Variants in BCAR3 observed in about 807,000 individuals in gnomAD.
BCAR3 encodes the protein BCAR3 adaptor protein, NSP family member.
BCAR3 carries 37 observed loss-of-function variants against 80.1 expected under a neutral mutation model. The ratio of observed to expected loss-of-function variants is 0.46; its 90% confidence interval spans 0.36 to 0.61. BCAR3 has a LOEUF of 0.61. Ranked by LOEUF, BCAR3 falls within the 20% of genes least tolerant of loss-of-function variation. The pLI is 0.00. For synonymous variants in BCAR3, 389 were observed against 418.9 expected, an observed-to-expected ratio of 0.93 and a Z score of 0.87; for missense variants, 978 against 1,068.2, an observed-to-expected ratio of 0.92 and a Z score of 1.18.
In BCAR3 at chr1:93,717,843, G is replaced by A. The variant is rs181301180; in HGVS notation, c.-62-11701C>T. ...GGGGCTGCTCATTGTGGAAAATTGC[G>A]TAAGAGTCTGAGAGTGTGGCCTGCG... On this transcript the variant is annotated intron_variant, in intron 2 of 13. Coordinates refer to the BCAR3 transcript ENST00000370244. 1.8e-3 allele frequency among the ~76,000 whole-genome samples: 271 copies of A among 152,206 alleles called. 1 individual carries two copies. The highest frequency in any genetic ancestry group is 6.2e-3 in the African/African-American group (257 of 41,534).
intron 3 of BCAR3, among the ~76,000 whole-genome samples, chr1:93,704,503 G>T (rs144186040): frequency 6.6e-6 from 1 of 152,342 alleles, no homozygotes; most frequent in East Asian, 1.9e-4. Context: ...TACACAGCTA[G>T]TGAGGGACAG....
intron 2 of BCAR3, among the ~76,000 whole-genome samples, chr1:93,797,643 A>C (rs1215186687): frequency 6.6e-6 from 1 of 152,022 alleles, no homozygotes; most frequent in Non-Finnish European, 1.5e-5. Context: ...AGCTTTCGAT[A>C]ATTTTCTAGC....
intron 2 of BCAR3, among the ~76,000 whole-genome samples, chr1:93,747,966 A>T (rs1178233379): frequency 1.3e-5 from 2 of 151,756 alleles, no homozygotes; most frequent in Non-Finnish European, 2.9e-5. Context: ...TCTGGTCCCA[A>T]CTGAGAACCA....
At chr1:93,615,440 G>A (rs798218) in intron 3 of BCAR3, among the ~76,000 whole-genome samples, 36,251 of 152,152 alleles carry the variant, frequency 0.24, 5,000 homozygotes, top group African/African-American at 0.39. Flanking sequence ...TTGCCACAGC[G>A]AGTGTGGGCG....
At chr1:93,746,097 C>T (rs1373447694) in intron 2 of BCAR3, among the ~76,000 whole-genome samples, 2 of 152,324 alleles carry the variant, frequency 1.3e-5, no homozygotes, top group Middle Eastern at 6.8e-3. Context: ...TCCTTGTGCT[C>T]TACTGGGTAA....
At chr1:93,768,743 G>A (rs1317366931) in intron 2 of BCAR3, among the ~76,000 whole-genome samples, 1 of 152,192 alleles carries the variant, frequency 6.6e-6, no homozygotes, top group Non-Finnish European at 1.5e-5. Flanking sequence ...GGGGCTGGAG[G>A]GGATGCTGGA....
At position 93,811,547 on chromosome 1, in the gene BCAR3, A is replaced by G. The variant is rs12406623; in HGVS notation, c.-63+34020T>C. On this transcript the variant is annotated intron_variant, in intron 2 of 13. Transcript: ENST00000370244. ...TCTTCCCTTTCCTTTATGCTTCTCT[A>G]TTATGTAAAATAATCCTCCTGGCTT... Among the ~76,000 whole-genome samples, 1,117 of 152,244 alleles carry G rather than the reference A, an allele frequency of 7.3e-3. 37 individuals are homozygous for G. Among genetic ancestry groups the G allele is most frequent in the Admixed American group, 0.064 (976 of 15,284 alleles).
In BCAR3 at chr1:93,566,790, C is replaced by T. The variant is rs184046239; in HGVS notation, c.2299+489G>A. ...GCGCCCAGGCTGGAGTGCAGTGGTG[C>T]GATCTCGGCTCACTGCAACCTCCGC... On this transcript the variant is annotated intron_variant, in intron 11 of 11. Coordinates refer to ENST00000260502, the MANE Select transcript of BCAR3 (RefSeq NM_003567.4). Among the ~76,000 whole-genome samples, 959 of 152,266 alleles carry T rather than the reference C, an allele frequency of 6.3e-3. 5 individuals carry two copies. Among genetic ancestry groups the T allele is most frequent in the Middle Eastern group, 0.01 (3 of 294 alleles).
chr1:93,728,064 C>G (rs1259600045), intron 2 of BCAR3, among the ~76,000 whole-genome samples: 3 of 152,238 alleles, frequency 2.0e-5, no homozygotes, highest in African/African-American at 4.8e-5. Flanking sequence ...GAAGGATTCT[C>G]CCCTCTACCC....
At chr1:93,827,227 G>A (rs1394946576) in intron 2 of BCAR3, among the ~76,000 whole-genome samples, 1 of 152,144 alleles carries the variant, frequency 6.6e-6, no homozygotes, top group African/African-American at 2.4e-5. Flanking sequence ...CATCATGAAG[G>A]CCATTTCAAC....
At chr1:93,724,337 G>GT (rs1650506847) in intron 2 of BCAR3, among the ~76,000 whole-genome samples, 1 of 152,196 alleles carries the variant, frequency 6.6e-6, no homozygotes, top group South Asian at 2.1e-4. Context: ...TCCATTACTG[G>GT]CCTGCAGTGC....
intron 2 of BCAR3, among the ~76,000 whole-genome samples, chr1:93,645,042 G>C (rs1676112111): frequency 6.6e-6 from 1 of 152,182 alleles, no homozygotes; most frequent in African/African-American, 2.4e-5. Context: ...GTAAATGAGA[G>C]ACTGAGTTTT....
chr1:93,809,599 CT>C (rs900268607), intron 2 of BCAR3, among the ~76,000 whole-genome samples: 9 of 151,738 alleles, frequency 5.9e-5, no homozygotes, highest in Non-Finnish European at 1.0e-4. Flanking sequence ...AAAACCCTAT[CT>C]CTACTAAAAA....
intron 2 of BCAR3, among the ~76,000 whole-genome samples, chr1:93,749,994 T>A (rs1651502738): frequency 6.6e-6 from 1 of 151,942 alleles, no homozygotes; most frequent in Non-Finnish European, 1.5e-5. Flanking sequence ...CCAGAATTGG[T>A]CTCAGTTGAA....
In BCAR3 at chr1:93,576,050, G is replaced by A; in HGVS notation, c.1766C>T (p.Pro589Leu). The A allele has an allele frequency of 6.2e-7, 1 of 1,614,136 alleles. No individual in the cohort carries two copies. The highest frequency in any genetic ancestry group is 1.7e-5 in the Admixed American group (1 of 60,022). Residue 589 changes from proline to leucine, a missense_variant, in exon 8 of 12, where the codon CCT becomes CTT. Physicochemically the swap from Pro to Leu is moderately conservative, Grantham distance 98. Transcript: ENST00000260502. ...GTCCAGGCGCAGCTGGTGTCCGTGA[G>A]GCAAGGTAATGAGTTCCAGGCCTGA... The part of the protein sequence containing the change: ...VSSGLELITL[P>L]HGHQLRLDII...
rs755345045 is a variant in BCAR3 at position 93,843,996 on chromosome 1, C to A, written c.-63+1571G>T. 3.9e-5 allele frequency among the ~76,000 whole-genome samples: 6 copies of A among 152,148 alleles called. No individual in the cohort carries two copies. The East Asian group carries it at 9.7e-4, about 24-fold the overall frequency. On this transcript the variant is annotated intron_variant, in intron 2 of 13. Transcript: ENST00000370244. ...CCATTTCCAGAGCTTCTGGGAAGGC[C>A]GAAATCACTAACCACACAGTAACTT...
At chr1:93,840,488 A>G (rs1210336146) in intron 2 of BCAR3, among the ~76,000 whole-genome samples, 3 of 152,218 alleles carry the variant, frequency 2.0e-5, no homozygotes, top group Non-Finnish European at 4.4e-5. Flanking sequence ...ATAGATGGTT[A>G]TTTGTTGTGA....
At chr1:93,663,797 T>A (rs937679768) in intron 2 of BCAR3, among the ~76,000 whole-genome samples, 2 of 152,166 alleles carry the variant, frequency 1.3e-5, no homozygotes, top group Admixed American at 6.5e-5. Flanking sequence ...ACTGGGGGAA[T>A]CCTTTAAAGG....
At chr1:93,717,782 A>G (rs1451057866) in intron 2 of BCAR3, among the ~76,000 whole-genome samples, 1 of 151,674 alleles carries the variant, frequency 6.6e-6, no homozygotes, top group African/African-American at 2.4e-5. Flanking sequence ...TCCTGTCTTC[A>G]GGTGACAGGA....
Sources: allele counts gnomAD v4.1 joint callset (sites outside exome capture counted in the v4.1 genomes callset), GRCh38; gene constraint gnomAD v4.1.1; transcripts MANE v1.5; gene names NCBI Gene and HGNC (gene_info 2026-07-23, HGNC 2026-07-21).